RNF125: variants seen among roughly 807,000 people sequenced by gnomAD.
RNF125 encodes E3 ubiquitin-protein ligase RNF125.
Under a neutral mutation model 26.0 loss-of-function variants are expected in RNF125, and 21 were observed. The observed-to-expected ratio is 0.81, with a 90% CI of 0.57 to 1.16. The LOEUF is 1.16. RNF125 is among the 50% of genes most tolerant of loss of function. RNF125 has a pLI of 0.00. For missense variants in RNF125, 270 were observed against 299.4 expected (o/e 0.90, Z 0.72); for synonymous variants, 95 against 109.2 (o/e 0.87, Z 0.81).
At chr18:32,089,737 T>G in the RNF125 span, among the ~76,000 whole-genome samples, 1 of 152,192 alleles carries the variant, frequency 6.6e-6, no homozygotes, top group African/African-American at 2.4e-5. Flanking sequence ...ACCGAATGAC[T>G]TATTAGAATA....
intron 1 of RNF125, among the ~76,000 whole-genome samples, chr18:32,021,919 T>A (rs1055435335): frequency 6.6e-6 from 1 of 152,216 alleles, no homozygotes; most frequent in Non-Finnish European, 1.5e-5. Flanking sequence ...TCTTTACTGT[T>A]CTTTGTTTTG....
intron 2 of RNF125, chr18:32,041,901 A>ACT (rs2039223770): frequency 3.2e-6 from 1 of 307,946 alleles, no homozygotes; most frequent in Non-Finnish European, 6.2e-6. Context: ...AAGTGCTGGG[A>ACT]TTACAGGCGT....
At chr18:32,080,658 G>A in the RNF125 span, among the ~76,000 whole-genome samples, 4 of 152,330 alleles carry the variant, frequency 2.6e-5, no homozygotes, top group Admixed American at 2.0e-4. Flanking sequence ...GATCTGTTGC[G>A]TAACAAGGTG....
chr18:32,065,811 G>A (rs554147340), intron 4 of RNF125, 91 bp from the exon 5 acceptor site: 7 of 891,978 alleles, frequency 7.8e-6, no homozygotes, highest in South Asian at 2.9e-5. Context: ...GATTACAGGC[G>A]TAAGCCACCG....
At chr18:32,085,165 G>A in the RNF125 span, among the ~76,000 whole-genome samples, 1 of 152,118 alleles carries the variant, frequency 6.6e-6, no homozygotes, top group African/African-American at 2.4e-5. Flanking sequence ...TCAGGAAAGC[G>A]GAGCTTGCAA....
chr18:32,088,791 C>T, the RNF125 span, among the ~76,000 whole-genome samples: 4 of 152,178 alleles, frequency 2.6e-5, no homozygotes, highest in Admixed American at 6.5e-5. Context: ...TGATCCACCA[C>T]GCCTGGTCTT....
rs2039525837 is a variant in RNF125, at chr18:32,070,670, A to C, written c.*2286A>C. 1 of 152,184 alleles carries C rather than the reference A, an allele frequency of 6.6e-6. No homozygotes were observed. Among genetic ancestry groups the C allele is most frequent in the Non-Finnish European group, 1.5e-5 (1 of 68,032 alleles). 9.4% of individuals were successfully genotyped at this position (152,184 alleles called of 1,614,324 possible). ...AATAATATGGCAATTGAAACAATTA[A>C]AAAGTTTTCATTTGCTTTTCTCATT... On this transcript the variant is annotated 3_prime_UTR_variant, in exon 6 of 6. Transcript: ENST00000217740.
the RNF125 span, among the ~76,000 whole-genome samples, chr18:32,084,176 T>C: frequency 2.0e-5 from 3 of 152,062 alleles, no homozygotes; most frequent in Non-Finnish European, 4.4e-5. Flanking sequence ...GCCGACTTGC[T>C]GAAACCCCAT....
At chr18:32,057,181 A>T (rs1363198668) in intron 4 of RNF125, among the ~76,000 whole-genome samples, 1 of 152,102 alleles carries the variant, frequency 6.6e-6, no homozygotes, top group South Asian at 2.1e-4. Flanking sequence ...AGAACACAGC[A>T]CTCCAAGAAT....
At chr18:32,028,372 G>A (rs1485122482) in intron 1 of RNF125, among the ~76,000 whole-genome samples, 7 of 144,560 alleles carry the variant, frequency 4.8e-5, no homozygotes, top group Admixed American at 2.8e-4. Flanking sequence ...ACCTTCAAAC[G>A]TTTCAGACTC....
chr18:32,051,972 G>A (rs1175844186), intron 4 of RNF125, among the ~76,000 whole-genome samples: 1 of 151,806 alleles, frequency 6.6e-6, no homozygotes, highest in Non-Finnish European at 1.5e-5. Context: ...ACAGGCGTGA[G>A]CCACCACGTC....
chr18:32,077,790 T>C (rs2039580276), downstream of RNF125, among the ~76,000 whole-genome samples: 1 of 150,796 alleles, frequency 6.6e-6, no homozygotes, highest in Non-Finnish European at 1.5e-5. Context: ...TAACCTCTAA[T>C]AATTTTTTTT....
At chr18:32,045,450 T>A (rs1279083119) in intron 3 of RNF125, among the ~76,000 whole-genome samples, 192 bp from the exon 4 acceptor site, 2 of 151,022 alleles carry the variant, frequency 1.3e-5, no homozygotes, top group Non-Finnish European at 2.9e-5. Flanking sequence ...TCCCTGCCAC[T>A]TGGGAGGCTG....
At chr18:32,088,910 T>TG in the RNF125 span, among the ~76,000 whole-genome samples, 3 of 151,938 alleles carry the variant, frequency 2.0e-5, no homozygotes, top group South Asian at 4.2e-4. Flanking sequence ...GGCTTCATTC[T>TG]GGGGGGGAAA....
intron 1 of RNF125, among the ~76,000 whole-genome samples, chr18:32,022,793 G>C (rs1413390295): frequency 1.3e-5 from 2 of 152,060 alleles, no homozygotes; most frequent in African/African-American, 4.8e-5. Flanking sequence ...AGAAAGCCTG[G>C]TTGTTTATTT....
intron 1 of RNF125, among the ~76,000 whole-genome samples, chr18:32,024,199 TTTTTTTTTTC>T (rs1287100736): frequency 2.1e-5 from 2 of 94,488 alleles, no homozygotes; most frequent in Admixed American, 1.0e-4. Context: ...ATTCTTTTTT[TTTTTTTTTTC>T]TTTTTTTTTT....
chr18:32,020,206 C>G (rs2038974034), intron 1 of RNF125, among the ~76,000 whole-genome samples: 1 of 152,056 alleles, frequency 6.6e-6, no homozygotes, highest in Non-Finnish European at 1.5e-5. Context: ...CACCCCCACA[C>G]CCGGCTAGTT....
chr18:32,027,703 T>G (rs2039050528), intron 1 of RNF125, among the ~76,000 whole-genome samples: 1 of 152,122 alleles, frequency 6.6e-6, no homozygotes, highest in Non-Finnish European at 1.5e-5. Flanking sequence ...TACATCCTGA[T>G]CACAACACCA....
At chr18:32,034,683 C>T (rs1240412688) in intron 1 of RNF125, among the ~76,000 whole-genome samples, 4 of 152,030 alleles carry the variant, frequency 2.6e-5, no homozygotes, top group South Asian at 2.1e-4. Flanking sequence ...GAGGCTGAGG[C>T]GGGCAGATCA....
Sources: allele counts gnomAD v4.1 joint callset (sites outside exome capture counted in the v4.1 genomes callset), GRCh38; gene constraint gnomAD v4.1.1; transcripts MANE v1.5; gene names NCBI Gene and HGNC (gene_info 2026-07-23, HGNC 2026-07-21).